MYT1L: variants seen among roughly 807,000 people sequenced by gnomAD.
MYT1L encodes the protein myelin transcription factor 1 like, also known as myelin transcription factor 1-like protein.
Under a neutral mutation model 126.7 loss-of-function variants are expected in MYT1L, and 12 were observed. That is an observed-to-expected ratio of 0.09 (90% CI 0.06 to 0.15). The LOEUF (loss-of-function observed/expected upper bound fraction) is 0.15, where lower values mean the gene tolerates loss of function less well. Among genes scored for constraint, MYT1L ranks in the 10% least tolerant of loss-of-function variants. The pLI, the probability that MYT1L is intolerant of heterozygous loss-of-function variation, is 1.00. For synonymous variants in MYT1L, 541 were observed against 604.2 expected (o/e 0.90, Z 1.53); for missense variants, 979 against 1,585.2 (o/e 0.62, Z 6.49).
intron 2 of MYT1L, among the ~76,000 whole-genome samples, chr2:2,208,326 C>T (rs7571423): frequency 0.16 from 24,537 of 152,068 alleles, 2,106 homozygotes; most frequent in African/African-American, 0.22. Flanking sequence ...TGAAATGTGG[C>T]GGTAAACGTG....
chr2:2,011,835 C>A (rs1278803425), intron 4 of MYT1L, among the ~76,000 whole-genome samples: 1 of 152,206 alleles, frequency 6.6e-6, no homozygotes, highest in African/African-American at 2.4e-5. Flanking sequence ...CCATGCTATA[C>A]CCACTGGGAT....
chr2:1,978,276 C>T (rs1396216829), intron 8 of MYT1L, among the ~76,000 whole-genome samples: 1 of 152,216 alleles, frequency 6.6e-6, no homozygotes, highest in Non-Finnish European at 1.5e-5. Context: ...GTTTTGTGAC[C>T]TGGGTCTGCT....
chr2:2,162,009 T>A (rs2088035050), intron 3 of MYT1L, among the ~76,000 whole-genome samples: 1 of 152,082 alleles, frequency 6.6e-6, no homozygotes, highest in Admixed American at 6.5e-5. Context: ...GCGTTTACGT[T>A]CAGGATAGAC....
chr2:2,130,125 A>C (rs1291583702), intron 3 of MYT1L, among the ~76,000 whole-genome samples: 1 of 152,082 alleles, frequency 6.6e-6, no homozygotes, highest in African/African-American at 2.4e-5. Context: ...CCAAATATTA[A>C]GATAGCCTTA....
At chr2:2,272,242 C>A (rs1046411371) in intron 2 of MYT1L, among the ~76,000 whole-genome samples, 1 of 152,168 alleles carries the variant, frequency 6.6e-6, no homozygotes, top group African/African-American at 2.4e-5. Context: ...TATTGCCCAG[C>A]TCTCTTCCCA....
intron 8 of MYT1L, among the ~76,000 whole-genome samples, chr2:1,956,619 TCTACCTAC>T (rs1174179411): frequency 4.0e-4 from 54 of 134,354 alleles, no homozygotes; most frequent in Non-Finnish European, 6.8e-4. Context: ...TATCTATCTA[TCTACCTAC>T]CTACCTATCT....
intron 4 of MYT1L, among the ~76,000 whole-genome samples, chr2:2,031,203 T>C (rs1315531237): frequency 6.6e-6 from 1 of 152,232 alleles, no homozygotes; most frequent in African/African-American, 2.4e-5. Context: ...CCAAAATCTT[T>C]CTGAATTCAC....
intron 8 of MYT1L, among the ~76,000 whole-genome samples, chr2:1,956,537 CT>C (rs2058453266): frequency 2.0e-5 from 3 of 148,734 alleles, no homozygotes; most frequent in African/African-American, 4.9e-5. Context: ...ATCTATCTAT[CT>C]ATCTATCTAT....
chr2:2,190,575 A>G lies in MYT1L; in HGVS notation c.-420-17587T>C, dbSNP rs1022964839. Among the ~76,000 whole-genome samples, 321 of 141,228 alleles carry G rather than the reference A, an allele frequency of 2.3e-3. 3 individuals are homozygous for G. Among genetic ancestry groups the G allele is most frequent in the African/African-American group, 8.1e-3 (256 of 31,428 alleles). 92.7% of individuals were successfully genotyped at this position (141,228 alleles called of 152,430 possible). On this transcript the variant is annotated intron_variant, in intron 2 of 24. Transcript: ENST00000647738. ...CCTGTTAAAAAAAAAAAAAAAAAAA[A>G]AAGAAGAAGAAAGCTCACAGAAGAA... is the stretch of plus-strand genomic sequence containing the variant.
At chr2:2,315,013 T>C (rs963047559) in intron 1 of MYT1L, among the ~76,000 whole-genome samples, 1 of 152,190 alleles carries the variant, frequency 6.6e-6, no homozygotes, top group African/African-American at 2.4e-5. Context: ...TTATATCTTA[T>C]TCAAAAATTA....
intron 2 of MYT1L, among the ~76,000 whole-genome samples, chr2:2,215,059 T>C (rs1403270817): frequency 6.6e-6 from 1 of 152,030 alleles, no homozygotes; most frequent in East Asian, 1.9e-4. Flanking sequence ...ACTAAGATAA[T>C]AGCAATTATA....
chr2:1,896,092 C>T (rs1294349423), intron 14 of MYT1L, among the ~76,000 whole-genome samples: 1 of 152,200 alleles, frequency 6.6e-6, no homozygotes, highest in Non-Finnish European at 1.5e-5. Flanking sequence ...ATAAAATGCT[C>T]AACATCACTA....
chr2:2,081,685 G>C (rs187623588), intron 3 of MYT1L, among the ~76,000 whole-genome samples: 1 of 152,094 alleles, frequency 6.6e-6, no homozygotes, highest in African/African-American at 2.4e-5. Context: ...AAGTCCCAGA[G>C]GTTATTCTTT....
chr2:2,213,493 A>G (rs2093592338), intron 2 of MYT1L, among the ~76,000 whole-genome samples: 1 of 152,212 alleles, frequency 6.6e-6, no homozygotes, highest in African/African-American at 2.4e-5. Context: ...GGCCAGCCGA[A>G]AAACCACCTG....
At chr2:2,113,389 A>T (rs1161678603) in intron 3 of MYT1L, among the ~76,000 whole-genome samples, 2 of 152,160 alleles carry the variant, frequency 1.3e-5, no homozygotes. Context: ...AGGGAGAATG[A>T]AGCGACAGGC....
At chr2:1,867,066 G>C (rs556193944) in intron 18 of MYT1L, among the ~76,000 whole-genome samples, 1 of 149,768 alleles carries the variant, frequency 6.7e-6, no homozygotes, top group South Asian at 2.2e-4. Context: ...TTGGGGGAGA[G>C]AGGGAGGGAG....
intron 18 of MYT1L, among the ~76,000 whole-genome samples, chr2:1,881,348 G>T (rs903970093): frequency 1.4e-5 from 2 of 144,890 alleles, no homozygotes; most frequent in African/African-American, 5.1e-5. Flanking sequence ...TTGTTGGTTT[G>T]CAGGTTCGTG....
Position 1,806,185 on chromosome 2 carries a change from C to T in MYT1L, c.3172+2891G>A, listed in dbSNP as rs111889744. ...TGCTCTGGGGGTAAGAAAGAACTATCTCAGTTTGGTGCAAACAGTGTCAGG... is the reference window on the plus strand; with the variant it reads ...TGCTCTGGGGGTAAGAAAGAACTATTTCAGTTTGGTGCAAACAGTGTCAGG... On this transcript the variant is annotated intron_variant, in intron 22 of 24. Transcript: ENST00000647738. The surrounding 1 kb of genome is among the most constrained non-coding windows in gnomAD (Gnocchi z 4.9). Among the ~76,000 whole-genome samples the T allele has an allele frequency of 0.044, 6,718 of 152,236 alleles. 201 individuals are homozygous for T. Among genetic ancestry groups the T allele is most frequent in the South Asian group, 0.1 (482 of 4,816 alleles).
intron 3 of MYT1L, among the ~76,000 whole-genome samples, chr2:2,162,911 C>T (rs939975942): frequency 2.6e-5 from 4 of 152,180 alleles, no homozygotes; most frequent in Admixed American, 2.6e-4. Flanking sequence ...TGACTTGCCA[C>T]CCTGTGACCT....
Sources: allele counts gnomAD v4.1 joint callset (sites outside exome capture counted in the v4.1 genomes callset), GRCh38; gene constraint gnomAD v4.1.1; non-coding constraint Gnocchi (gnomAD v3.1); transcripts MANE v1.5; gene names NCBI Gene and HGNC (gene_info 2026-07-23, HGNC 2026-07-21).